ATP9B: variants seen among roughly 807,000 people sequenced by gnomAD.
ATP9B encodes the protein probable phospholipid-transporting ATPase IIB.
ATP9B carries 110 observed loss-of-function variants against 146.1 expected under a neutral mutation model. The ratio of observed to expected loss-of-function variants is 0.75; its 90% CI spans 0.65 to 0.88. The LOEUF (loss-of-function observed/expected upper bound fraction) is 0.88, where lower values mean the gene tolerates loss of function less well. ATP9B is among the 40% of genes least tolerant of loss of function. ATP9B has a pLI of 0.00. For missense variants in ATP9B, 1,499 were observed against 1,496.4 expected (o/e 1.00, Z -0.03); for synonymous variants, 604 against 569.7 (o/e 1.06, Z -0.86).
chr18:79,264,877 A>G (rs928121891), intron 12 of ATP9B, among the ~76,000 whole-genome samples: 1 of 152,186 alleles, frequency 6.6e-6, no homozygotes, highest in African/African-American at 2.4e-5. Context: ...CTCGCCAAAT[A>G]ACAAACTGTG....
In ATP9B at chr18:79,372,902, T is replaced by C. The variant is rs1012762252; in HGVS notation, c.3070+20T>C. ...ACCAAGGTAAGACGAGATCCTTAGT[T>C]TACTGGACTAAAGATTTTTTTATTT... is the stretch of plus-strand genomic sequence containing the variant. On this transcript the variant is annotated intron_variant, in intron 27 of 29. Coordinates refer to ENST00000426216, the MANE Select transcript of ATP9B (RefSeq NM_198531.5). The C allele has an allele frequency of 8.7e-5, 136 of 1,556,788 alleles. 2 individuals carry two copies. In the South Asian group the frequency reaches 1.2e-3, roughly 14 times the overall value.
intron 4 of ATP9B, among the ~76,000 whole-genome samples, chr18:79,122,102 A>G (rs2094199475): frequency 6.6e-6 from 1 of 152,188 alleles, no homozygotes; most frequent in Admixed American, 6.5e-5. Flanking sequence ...CATTTCAGGT[A>G]GGGTCTGAGC....
At chr18:79,074,730 A>T (rs539148243) in intron 1 of ATP9B, among the ~76,000 whole-genome samples, 65 of 151,272 alleles carry the variant, frequency 4.3e-4, no homozygotes, top group African/African-American at 1.6e-3. Context: ...TTCTTCCAGA[A>T]CTCTCCTTTG....
intron 9 of ATP9B, among the ~76,000 whole-genome samples, chr18:79,195,499 A>T (rs1014116058): frequency 1.3e-5 from 2 of 152,174 alleles, no homozygotes; most frequent in Non-Finnish European, 2.9e-5. Context: ...GAAAGAAAAA[A>T]CCTCAATGCA....
intron 9 of ATP9B, among the ~76,000 whole-genome samples, chr18:79,205,703 C>G (rs542713103): frequency 6.6e-6 from 1 of 152,206 alleles, no homozygotes; most frequent in East Asian, 1.9e-4. Context: ...TCTAGTAAGG[C>G]TTCCATTACC....
chr18:79,245,380 G>T (rs1196849386), intron 11 of ATP9B, among the ~76,000 whole-genome samples: 2 of 152,182 alleles, frequency 1.3e-5, no homozygotes, highest in Non-Finnish European at 2.9e-5. Context: ...TTGGTGGCTG[G>T]TCTTGGCAAA....
At chr18:79,243,317 T>C (rs1306773789) in intron 11 of ATP9B, among the ~76,000 whole-genome samples, 1 of 152,262 alleles carries the variant, frequency 6.6e-6, no homozygotes, top group Non-Finnish European at 1.5e-5. Flanking sequence ...GAATATGCAT[T>C]TAATTGCAAG....
At chr18:79,305,998 G>A (rs2096618358) in intron 14 of ATP9B, among the ~76,000 whole-genome samples, 1 of 152,250 alleles carries the variant, frequency 6.6e-6, no homozygotes, top group South Asian at 2.1e-4. Context: ...AGTTTGGAAG[G>A]AGGGAGCCAG....
At chr18:79,348,287 A>C (rs2096903172) in intron 25 of ATP9B, 91 bp downstream of exon 25, 2 of 1,197,568 alleles carry the variant, frequency 1.7e-6, no homozygotes, top group Non-Finnish European at 2.4e-6. Flanking sequence ...CGTATATAGA[A>C]GATTCTTGAT....
At chr18:79,375,505 AAAAC>A (rs2097097671) in intron 29 of ATP9B, 79 bp downstream of exon 29, 1 of 1,566,406 alleles carries the variant, frequency 6.4e-7, no homozygotes, top group Non-Finnish European at 8.7e-7. Flanking sequence ...ACTAATAAGA[AAAAC>A]AAACCTTCCT....
rs1306031130 is a variant in ATP9B at position 79,345,463 on chromosome 18, G to C, written c.2508G>C (p.Glu836Asp). ...CLKYYEHEFV[E>D]LACQCPAVVC... ...AGTACTACGAGCATGAATTTGTGGAGCTGGCCTGCCAGTGCCCTGCCGTGG... is the reference window on the plus strand; with the variant it reads ...AGTACTACGAGCATGAATTTGTGGACCTGGCCTGCCAGTGCCCTGCCGTGG... The change falls in exon 22 of 30, where the codon GAG (glutamate) becomes GAC (aspartate). Residue 836 changes from glutamate (E) to aspartate (D), a missense_variant. By Grantham distance (45) the Glu-to-Asp change is conservative (BLOSUM62 2). Transcript: ENST00000426216. 1.9e-6 allele frequency: 3 copies of C among 1,613,986 alleles called. No individual in the cohort carries two copies. Among genetic ancestry groups the C allele is most frequent in the African/African-American group, 2.7e-5 (2 of 75,054 alleles).
chr18:79,260,041 G>T (rs1018898273), intron 12 of ATP9B, among the ~76,000 whole-genome samples: 1 of 152,112 alleles, frequency 6.6e-6, no homozygotes, highest in Non-Finnish European at 1.5e-5. Context: ...ATTCACCAAG[G>T]GTGTGTCCAG....
chr18:79,167,333 C>A (rs958126957), intron 7 of ATP9B, among the ~76,000 whole-genome samples: 1 of 152,114 alleles, frequency 6.6e-6, no homozygotes. Context: ...GTTTATTGAG[C>A]GACAGTACAG....
At chr18:79,114,148 C>T (rs1172796038) in intron 4 of ATP9B, among the ~76,000 whole-genome samples, 1 of 152,022 alleles carries the variant, frequency 6.6e-6, no homozygotes, top group African/African-American at 2.4e-5. Context: ...TTAGTAGAGA[C>T]GGCGTTTCAC....
chr18:79,088,240 C>G (rs768851751), intron 1 of ATP9B, among the ~76,000 whole-genome samples: 20 of 152,164 alleles, frequency 1.3e-4, no homozygotes, highest in Non-Finnish European at 2.4e-4. Flanking sequence ...AGGATTGTGA[C>G]TTTTACTAAA....
chr18:79,347,801 T>A lies in ATP9B; in HGVS notation c.2714T>A (p.Phe905Tyr), dbSNP rs770736960. ...EGKQASLAAD[F>Y]SITQFRHIGR... Reference sequence around the variant, plus strand: ...AAACAGGCCTCGCTGGCGGCCGACTTCTCCATCACGCAGTTCCGGCACATA... The same window carrying A: ...AAACAGGCCTCGCTGGCGGCCGACTACTCCATCACGCAGTTCCGGCACATA... The change falls in exon 24 of 30, where the codon TTC (phenylalanine) becomes TAC (tyrosine). Residue 905 changes from phenylalanine (F) to tyrosine (Y), a missense_variant. Physicochemically the swap from Phe to Tyr is conservative, Grantham distance 22 (BLOSUM62 3). Coordinates refer to ENST00000426216, the MANE Select transcript of ATP9B (RefSeq NM_198531.5). 1.2e-6 allele frequency: 2 copies of A among 1,600,032 alleles called. No homozygotes were observed. Among genetic ancestry groups the A allele is most frequent in the Non-Finnish European group, 1.7e-6 (2 of 1,170,982 alleles).
chr18:79,252,214 G>A (rs529886120), intron 11 of ATP9B, among the ~76,000 whole-genome samples: 4 of 152,354 alleles, frequency 2.6e-5, no homozygotes, highest in Non-Finnish European at 5.9e-5. Context: ...TGGCCACTGT[G>A]CCATGCGCTC....
chr18:79,359,707 T>C lies in ATP9B; in HGVS notation c.3012+245T>C, dbSNP rs538336013. ...AAATGTTTGCAATAAAGCTCTAATATCATACATACAATTAGAATTGTAAAA... is the reference window on the plus strand; with the variant it reads ...AAATGTTTGCAATAAAGCTCTAATACCATACATACAATTAGAATTGTAAAA... On this transcript the variant is annotated intron_variant, in intron 26 of 29. Coordinates refer to ENST00000426216, the MANE Select transcript of ATP9B (RefSeq NM_198531.5). The C allele has an allele frequency of 8.1e-4, 383 of 470,476 alleles. 1 individual carries two copies. The highest frequency in any genetic ancestry group is 6.6e-3 in the African/African-American group (340 of 51,194). The allele number at this position is 470,476 out of a possible 1,614,324, so 29.1% of individuals were successfully genotyped here. A position where few individuals can be genotyped will look rare whatever the true frequency, so the allele number is the denominator to read the frequency against.
chr18:79,190,894 G>T (rs8099084), intron 8 of ATP9B, among the ~76,000 whole-genome samples: 31,899 of 151,534 alleles, frequency 0.21, 3,687 homozygotes, highest in East Asian at 0.5. Context: ...AGGATTTGGG[G>T]GTTTTTTTTA....
Sources: allele counts gnomAD v4.1 joint callset (sites outside exome capture counted in the v4.1 genomes callset), GRCh38; gene constraint gnomAD v4.1.1; transcripts MANE v1.5; gene names NCBI Gene and HGNC (gene_info 2026-07-23, HGNC 2026-07-21).